Variants in ILDR1 observed in about 807,000 individuals in gnomAD.
ILDR1 encodes immunoglobulin-like domain-containing receptor 1.
Under a neutral mutation model 62.4 loss-of-function variants are expected in ILDR1, and 56 were observed. The observed-to-expected ratio is 0.90, with a 90% confidence interval of 0.72 to 1.12. ILDR1 has a LOEUF of 1.12. Ranked by LOEUF, ILDR1 falls within the 50% of genes most tolerant of loss-of-function variation. The pLI, the probability that ILDR1 is intolerant of heterozygous loss-of-function variation, is 0.00. For synonymous variants in ILDR1, 284 were observed against 277.8 expected, an observed-to-expected ratio of 1.02 and a Z score of -0.22; for missense variants, 736 against 710.6, an observed-to-expected ratio of 1.04 and a Z score of -0.41.
At chr3:122,054,010 GTCT>G in the ILDR1 span, among the ~76,000 whole-genome samples, 2 of 152,130 alleles carry the variant, frequency 1.3e-5, no homozygotes, top group South Asian at 2.1e-4. Context: ...TATTATTGCT[GTCT>G]TCATTTTTTA....
intron 5 of ILDR1, among the ~76,000 whole-genome samples, chr3:121,998,971 C>T (rs2071477643): frequency 9.0e-6 from 1 of 111,316 alleles, no homozygotes; most frequent in African/African-American, 3.3e-5. Context: ...CCTTTGGTCT[C>T]CCATCTTTTA....
At chr3:122,016,973 C>G (rs2071785072) in intron 1 of ILDR1, among the ~76,000 whole-genome samples, 1 of 152,204 alleles carries the variant, frequency 6.6e-6, no homozygotes, top group South Asian at 2.1e-4. Flanking sequence ...TCTGATCCCT[C>G]CTTATCTCAA....
chr3:122,059,610 G>A, the ILDR1 span, among the ~76,000 whole-genome samples: 2 of 152,128 alleles, frequency 1.3e-5, no homozygotes, highest in East Asian at 3.9e-4. Flanking sequence ...CATGGAAAGA[G>A]CATATTTACC....
chr3:122,029,711 CTAT>C, the ILDR1 span, among the ~76,000 whole-genome samples: 1 of 151,710 alleles, frequency 6.6e-6, no homozygotes, highest in African/African-American at 2.4e-5. Flanking sequence ...TAGATGGTGC[CTAT>C]TATTTTATGT....
chr3:122,004,357 G>C (rs1487812729), intron 3 of ILDR1, among the ~76,000 whole-genome samples: 1 of 152,202 alleles, frequency 6.6e-6, no homozygotes, highest in Non-Finnish European at 1.5e-5. Flanking sequence ...GATAACTAAT[G>C]CTTACTGCCC....
chr3:121,994,096 G>C lies in ILDR1; in HGVS notation c.778+86C>G. On this transcript the variant is annotated intron_variant, in intron 6 of 7. Transcript: ENST00000344209. ...CATCTCCATCATGAAGATGCCTGCCGCATCGGTCACAGAGGTCTTGATGTA... is the reference window on the plus strand; with the variant it reads ...CATCTCCATCATGAAGATGCCTGCCCCATCGGTCACAGAGGTCTTGATGTA... 2.0e-6 allele frequency: 3 copies of C among 1,507,528 alleles called. No individual in the cohort carries two copies. In the South Asian group the frequency reaches 3.6e-5, roughly 18 times the overall value. The allele number at this position is 1,507,528 out of a possible 1,614,324, so 93.4% of individuals were successfully genotyped here.
chr3:122,041,880 T>C, the ILDR1 span, among the ~76,000 whole-genome samples: 9 of 151,746 alleles, frequency 5.9e-5, no homozygotes, highest in South Asian at 4.2e-4. Flanking sequence ...ACTTCTTCCT[T>C]TCCAATTTGA....
the ILDR1 span, among the ~76,000 whole-genome samples, chr3:122,047,313 T>G: frequency 2.5e-4 from 38 of 152,320 alleles, no homozygotes; most frequent in Non-Finnish European, 1.5e-5. Flanking sequence ...GAACCACTGC[T>G]CTCTTCAAAG....
Position 121,988,307 on chromosome 3 carries a change from T to C in ILDR1, c.*60A>G, listed in dbSNP as rs1341571953. Reference sequence around the variant, plus strand: ...TTCCCAAGTCAGCTGGAAACCTAGGTGATGCTGATGACACACAGGAGCCGA... The same window carrying C: ...TTCCCAAGTCAGCTGGAAACCTAGGCGATGCTGATGACACACAGGAGCCGA... On this transcript the variant is annotated 3_prime_UTR_variant, in exon 8 of 8. Coordinates refer to ENST00000344209, the MANE Select transcript of ILDR1 (RefSeq NM_001199799.2). 7.0e-7 allele frequency: 1 copy of C among 1,418,660 alleles called. No homozygotes were observed. The highest frequency in any genetic ancestry group is 1.0e-6 in the Non-Finnish European group (1 of 1,002,226). 87.9% of individuals were successfully genotyped at this position (1,418,660 alleles called of 1,614,324 possible). A position where few individuals can be genotyped will look rare whatever the true frequency, so the allele number is the denominator to read the frequency against.
the ILDR1 span, among the ~76,000 whole-genome samples, chr3:122,053,549 C>T: frequency 2.0e-5 from 3 of 151,762 alleles, no homozygotes; most frequent in East Asian, 5.8e-4. Flanking sequence ...CAATATATAC[C>T]TTTTTTGTGT....
chr3:122,046,047 C>T, the ILDR1 span, among the ~76,000 whole-genome samples: 10 of 147,592 alleles, frequency 6.8e-5, no homozygotes, highest in Non-Finnish European at 9.1e-5. Flanking sequence ...GATTTTGCAG[C>T]GGCTGGTACC....
At chr3:121,995,607 G>A (rs1272981490) in intron 5 of ILDR1, among the ~76,000 whole-genome samples, 1 of 152,166 alleles carries the variant, frequency 6.6e-6, no homozygotes, top group Non-Finnish European at 1.5e-5. Flanking sequence ...CAAACTTGCA[G>A]CAGCTCCCCC....
intron 5 of ILDR1, among the ~76,000 whole-genome samples, chr3:121,999,333 G>C (rs1427586111): frequency 6.6e-6 from 1 of 152,132 alleles, no homozygotes; most frequent in East Asian, 1.9e-4. Flanking sequence ...ATCTGGAAGA[G>C]GAAATGTTAT....
At chr3:122,008,336 C>T (rs2071646064) in intron 1 of ILDR1, among the ~76,000 whole-genome samples, 1 of 152,192 alleles carries the variant, frequency 6.6e-6, no homozygotes, top group African/African-American at 2.4e-5. Context: ...GACTTTGGCA[C>T]AGTCAGGGGT....
intron 7 of ILDR1, among the ~76,000 whole-genome samples, chr3:121,992,652 G>A (rs1485093473): frequency 6.6e-6 from 1 of 152,150 alleles, no homozygotes; most frequent in East Asian, 1.9e-4. Context: ...TGTCTCAGAG[G>A]GTCCCAACCT....
At chr3:122,012,827 T>C (rs558262435) in intron 1 of ILDR1, among the ~76,000 whole-genome samples, 2 of 152,328 alleles carry the variant, frequency 1.3e-5, no homozygotes, top group South Asian at 2.1e-4. Flanking sequence ...GATACAAATG[T>C]AAACTATCAT....
intron 1 of ILDR1, among the ~76,000 whole-genome samples, chr3:122,010,160 G>A (rs2071682909): frequency 6.6e-6 from 1 of 152,210 alleles, no homozygotes; most frequent in Non-Finnish European, 1.5e-5. Context: ...TTAGGAAGGG[G>A]CAGTTACTTG....
chr3:122,045,653 A>G, the ILDR1 span, among the ~76,000 whole-genome samples: 4 of 151,396 alleles, frequency 2.6e-5, no homozygotes, highest in African/African-American at 9.7e-5. Flanking sequence ...TGTTGAATTG[A>G]TCCCTTTACC....
At chr3:122,002,063 CCAGGAAGTTGAAGCTG>C in intron 3 of ILDR1, among the ~76,000 whole-genome samples, 199 bp from the exon 4 acceptor site, 1 of 152,232 alleles carries the variant, frequency 6.6e-6, no homozygotes, top group East Asian at 1.9e-4. Context: ...TCGCTTGAGC[CCAGGAAGTTGAAGCTG>C]CAGTGAGCTA....
Sources: allele counts gnomAD v4.1 joint callset (sites outside exome capture counted in the v4.1 genomes callset), GRCh38; gene constraint gnomAD v4.1.1; transcripts MANE v1.5; gene names NCBI Gene and HGNC (gene_info 2026-07-23, HGNC 2026-07-21).